The following IQCK variants were observed in gnomAD, a reference collection of about 807,000 sequenced individuals.
IQCK encodes the protein IQ motif containing K, also known as IQ domain-containing protein K.
A neutral mutation model predicts 28.1 loss-of-function variants in IQCK; 29 were observed. That is an observed-to-expected ratio of 1.03 (90% CI 0.77 to 1.41). IQCK has a LOEUF of 1.41. IQCK is among the 40% of genes most tolerant of loss of function. The pLI, the probability that IQCK is intolerant of heterozygous loss-of-function variation, is 0.00. For missense variants in IQCK, 359 were observed against 314.7 expected (o/e 1.14, Z -1.07); for synonymous variants, 113 against 115.1 (o/e 0.98, Z 0.12).
chr16:19,840,311 G>A (rs1421283583), intron 9 of IQCK, among the ~76,000 whole-genome samples: 2 of 151,956 alleles, frequency 1.3e-5, no homozygotes, highest in Non-Finnish European at 2.9e-5. Context: ...AGCCAAGATC[G>A]CACCATTGCA....
In IQCK at chr16:19,843,536, G is replaced by A. The variant is rs149707036; in HGVS notation, c.803-12951G>A. ...GCAAAGTTTATCCATGCTGTAGCAT[G>A]TGTCAGTACTTTACTCCTTTTTACA... On this transcript the variant is annotated intron_variant, in intron 9 of 9. Coordinates refer to the IQCK transcript ENST00000320394. 4.3e-3 allele frequency among the ~76,000 whole-genome samples: 651 copies of A among 152,326 alleles called. 7 individuals carry two copies. The highest frequency in any genetic ancestry group is 0.024 in the Middle Eastern group (7 of 294).
intron 7 of IQCK, among the ~76,000 whole-genome samples, chr16:19,822,249 G>A (rs1432102651): frequency 6.6e-6 from 1 of 151,472 alleles, no homozygotes; most frequent in Admixed American, 6.6e-5. Flanking sequence ...AGCTGGGCGT[G>A]GTGGCAGGTG....
intron 1 of IQCK, among the ~76,000 whole-genome samples, chr16:19,726,107 G>A (rs951531703): frequency 6.6e-6 from 1 of 151,860 alleles, no homozygotes; most frequent in African/African-American, 2.4e-5. Flanking sequence ...GTAGAGACGG[G>A]GTTTCATCGT....
chr16:19,854,600 A>G (rs888771549), intron 9 of IQCK, among the ~76,000 whole-genome samples: 15 of 152,252 alleles, frequency 9.9e-5, no homozygotes, highest in African/African-American at 3.6e-4. Flanking sequence ...GTTATGCCTG[A>G]TGCTGGCTGC....
At chr16:19,827,266 G>T, downstream of IQCK, 2 of 647,302 alleles carry the variant, frequency 3.1e-6, no homozygotes, top group South Asian at 1.9e-5. Context: ...GTGCATGGGG[G>T]AAGTGGCTGC....
chr16:19,844,738 TA>T (rs2056397226), intron 9 of IQCK, among the ~76,000 whole-genome samples: 1 of 152,188 alleles, frequency 6.6e-6, no homozygotes, highest in Non-Finnish European at 1.5e-5. Context: ...TCATGTTTGG[TA>T]AAAACAATAA....
At chr16:19,758,195 T>A (rs960945048) in intron 4 of IQCK, among the ~76,000 whole-genome samples, 1 of 152,156 alleles carries the variant, frequency 6.6e-6, no homozygotes, top group African/African-American at 2.4e-5. Context: ...TCCTCTCTTA[T>A]TTCATCACTC....
At chr16:19,808,856 T>C (rs1299539618) in intron 7 of IQCK, among the ~76,000 whole-genome samples, 1 of 152,180 alleles carries the variant, frequency 6.6e-6, no homozygotes, top group Non-Finnish European at 1.5e-5. Flanking sequence ...TCTCCAACTT[T>C]CCTAGGGTCA....
At chr16:19,786,361 T>C (rs1342598733) in intron 6 of IQCK, among the ~76,000 whole-genome samples, 1 of 150,770 alleles carries the variant, frequency 6.6e-6, no homozygotes, top group Non-Finnish European at 1.5e-5. Flanking sequence ...GGAGACCACA[T>C]AGCGAGACCC....
At chr16:19,817,847 C>T (rs540332231) in intron 7 of IQCK, among the ~76,000 whole-genome samples, 41 of 152,282 alleles carry the variant, frequency 2.7e-4, no homozygotes, top group Non-Finnish European at 5.4e-4. Context: ...TGATGACGAA[C>T]CCACCTTGTA....
intron 7 of IQCK, among the ~76,000 whole-genome samples, chr16:19,821,924 T>C (rs546447358): frequency 1.3e-5 from 2 of 150,734 alleles, no homozygotes; most frequent in African/African-American, 4.9e-5. Flanking sequence ...AACAAAAAAT[T>C]AAAAAATTAG....
rs200637567 is a variant in IQCK at position 19,735,338 on chromosome 16, G to A, written c.377-15G>A. The A allele has an allele frequency of 3.4e-5, 55 of 1,594,938 alleles. No homozygotes were observed. The African/African-American group carries it at 7.4e-4, about 21-fold the overall frequency. On this transcript the variant is annotated splice_polypyrimidine_tract_variant and intron_variant, in intron 3 of 7. Coordinates refer to ENST00000564186, the Ensembl canonical transcript of IQCK. Reference sequence around the variant, plus strand: ...CTGGGGATTTGCAGGGGGAATTTTTGTTTGTTTGTTTTAGGTTCTCCCAAA... The same window carrying A: ...CTGGGGATTTGCAGGGGGAATTTTTATTTGTTTGTTTTAGGTTCTCCCAAA...
intron 4 of IQCK, among the ~76,000 whole-genome samples, chr16:19,753,848 G>A (rs1395085440): frequency 6.6e-6 from 1 of 151,940 alleles, no homozygotes; most frequent in East Asian, 1.9e-4. Flanking sequence ...TGGCAAAACA[G>A]CTGCGACCAC....
chr16:19,738,117 T>G (rs1285966853), intron 4 of IQCK, among the ~76,000 whole-genome samples: 1 of 152,244 alleles, frequency 6.6e-6, no homozygotes, highest in Non-Finnish European at 1.5e-5. Flanking sequence ...TGGGGACAGA[T>G]TCTCTGATTT....
At position 19,764,032 on chromosome 16, in the gene IQCK, C is replaced by T; in HGVS notation, c.528-3C>T. The T allele has an allele frequency of 6.2e-7, 1 of 1,613,848 alleles. No individual in the cohort carries two copies. Among genetic ancestry groups the T allele is most frequent in the Non-Finnish European group, 8.5e-7 (1 of 1,179,738 alleles). On this transcript the variant is annotated splice_polypyrimidine_tract_variant and splice_region_variant and intron_variant, in intron 5 of 7. Transcript: ENST00000564186. The stretch of plus-strand genomic sequence containing the variant: ...TCAATCAAACATATGGCATCATGAC[C>T]AGCCAAAATCCAAAGAGGGCAGGGG...
intron 7 of IQCK, among the ~76,000 whole-genome samples, chr16:19,823,951 T>TTTAATAAAGTTTAATTTTAATAAAATTAA (rs2056109389): frequency 6.6e-6 from 1 of 151,488 alleles, no homozygotes; most frequent in African/African-American, 2.4e-5. Context: ...AATAAATAAA[T>TTTAATAAAGTTTAATTTTAATAAAATTAA]AAATAAATAA....
chr16:19,841,477 T>C (rs928434124), intron 9 of IQCK, among the ~76,000 whole-genome samples: 11 of 152,174 alleles, frequency 7.2e-5, no homozygotes, highest in Non-Finnish European at 1.3e-4. Context: ...AGACCTGCAT[T>C]GGAACCCTGG....
At chr16:19,837,491 T>C (rs1277366522) in intron 9 of IQCK, among the ~76,000 whole-genome samples, 1 of 152,172 alleles carries the variant, frequency 6.6e-6, no homozygotes, top group Admixed American at 6.5e-5. Context: ...GGGCAAGTTG[T>C]TAATCCTCTC....
In IQCK at chr16:19,730,484, C is replaced by T. The variant is rs765572936; in HGVS notation, c.236C>T (p.Pro79Leu). 5 of 1,607,488 alleles carry T rather than the reference C, an allele frequency of 3.1e-6. No homozygotes were observed. In the East Asian group the frequency reaches 9.0e-5, roughly 29 times the overall value. Residue 79 changes from proline (P) to leucine (L), a missense_variant, in exon 2 of 8, where the codon CCT becomes CTT. Transcript: ENST00000564186. ...GAAGGATATAAAGTCAAACAGGAGC[C>T]TGTGATTACGGTGAGTATTACCTAG...
Sources: allele counts gnomAD v4.1 joint callset (sites outside exome capture counted in the v4.1 genomes callset), GRCh38; gene constraint gnomAD v4.1.1; transcripts MANE v1.5; gene names NCBI Gene and HGNC (gene_info 2026-07-23, HGNC 2026-07-21).